CELSR1: variants seen among roughly 807,000 people sequenced by gnomAD.
CELSR1 encodes the protein adhesion G protein-coupled receptor C1.
CELSR1 carries 110 observed loss-of-function variants against 249.1 expected under a neutral mutation model. The observed-to-expected ratio is 0.44, with a 90% CI of 0.38 to 0.52. CELSR1 has a LOEUF of 0.52. CELSR1 is among the 20% of genes least tolerant of loss of function. The pLI is 0.00. For synonymous variants in CELSR1, 2,113 were observed against 1,900.0 expected, an observed-to-expected ratio of 1.11 and a Z score of -2.92; for missense variants, 4,109 against 4,296.4, an observed-to-expected ratio of 0.96 and a Z score of 1.22.
Position 46,536,581 on chromosome 22 carries a change from C to T in CELSR1, c.590G>A (p.Gly197Glu). The T allele has an allele frequency of 8.2e-7, 1 of 1,214,566 alleles. No individual in the cohort carries two copies. The highest frequency in any genetic ancestry group is 1.0e-6 in the Non-Finnish European group (1 of 979,650). The allele number at this position is 1,214,566 out of a possible 1,614,324, so 75.2% of individuals were successfully genotyped here. Residue 197 changes from glycine to glutamate, a missense_variant, in exon 1 of 35, where the codon GGA becomes GAA. Physicochemically the swap from Gly to Glu is moderately conservative, Grantham distance 98. Around this residue, in one of 7 missense-constraint regions of CELSR1, gnomAD observed 673 missense variants for 636.8 expected, o/e 1.06. Transcript: ENST00000674500. ...CGCGGTGGCGGCCTCCAGCGCCAGT[C>T]CCACCCGGACGGCGCCAGCCGCGCG... is the stretch of plus-strand genomic sequence containing the variant. ...LRRAAGAVRVGLALEAATAGT... is the reference protein window; with the variant it reads ...LRRAAGAVRVELALEAATAGT...
At chr22:46,452,495 C>T (rs1032112928) in intron 2 of CELSR1, among the ~76,000 whole-genome samples, 3 of 152,220 alleles carry the variant, frequency 2.0e-5, no homozygotes, top group Admixed American at 2.0e-4. Flanking sequence ...GGGGTACACA[C>T]AGCTGGCACT....
At chr22:46,497,897 T>C (rs1054552218) in intron 1 of CELSR1, among the ~76,000 whole-genome samples, 16 of 152,008 alleles carry the variant, frequency 1.1e-4, no homozygotes, top group Non-Finnish European at 2.4e-4. Context: ...AAAAGAACAA[T>C]GGGAGAAAAT....
chr22:46,503,886 T>C (rs2080489260), intron 1 of CELSR1, among the ~76,000 whole-genome samples: 1 of 151,740 alleles, frequency 6.6e-6, no homozygotes, highest in East Asian at 2.0e-4. Context: ...ATTTTAAAAG[T>C]AGCCAGGTGT....
Position 46,423,789 on chromosome 22 carries a change from T to C in CELSR1, c.4611+9604A>G, listed in dbSNP as rs892610841. 1.3e-5 allele frequency among the ~76,000 whole-genome samples: 2 copies of C among 151,498 alleles called. No homozygotes were observed. The highest frequency in any genetic ancestry group is 2.9e-5 in the Non-Finnish European group (2 of 67,930). ...GAGTTCGAGACCAGCCTGGCCAACATGGTGAAATCCCATCTCTACTAAAAA... is the reference window on the plus strand; with the variant it reads ...GAGTTCGAGACCAGCCTGGCCAACACGGTGAAATCCCATCTCTACTAAAAA... On this transcript the variant is annotated intron_variant, in intron 5 of 34. Transcript: ENST00000674500. This position sits in a 1 kb window ranked among gnomAD's most constrained non-coding sequence, Gnocchi z 5.6.
At chr22:46,519,800 T>G (rs532876674) in intron 1 of CELSR1, among the ~76,000 whole-genome samples, 1 of 151,928 alleles carries the variant, frequency 6.6e-6, no homozygotes, top group African/African-American at 2.4e-5. Context: ...CTGTTGATAA[T>G]GCAGTCAAAT....
rs2079209262 is a variant in CELSR1, at chr22:46,401,381, G to C, written c.5227-1479C>G. Among the ~76,000 whole-genome samples, 1 of 152,210 alleles carries C rather than the reference G, an allele frequency of 6.6e-6. No homozygotes were observed. Among genetic ancestry groups the C allele is most frequent in the Admixed American group, 6.5e-5 (1 of 15,282 alleles). On this transcript the variant is annotated intron_variant, in intron 9 of 34. Transcript: ENST00000674500. This position sits in a 1 kb window ranked among gnomAD's most constrained non-coding sequence, Gnocchi z 4.7. Reference sequence around the variant, plus strand: ...AACATGAGACAAAATATTAAAGAATGTCTGTTTGAAGACACTGAAGTGGCT... The same window carrying C: ...AACATGAGACAAAATATTAAAGAATCTCTGTTTGAAGACACTGAAGTGGCT...
chr22:46,520,166 G>A (rs532714674), intron 1 of CELSR1, among the ~76,000 whole-genome samples: 4 of 151,932 alleles, frequency 2.6e-5, no homozygotes, highest in Admixed American at 6.6e-5. Context: ...GAGCCACTGC[G>A]CCCAGCCCCC....
intron 24 of CELSR1, 66 bp from the exon 25 acceptor site, chr22:46,373,123 TG>T (rs1401926066): frequency 1.4e-6 from 2 of 1,467,524 alleles, no homozygotes; most frequent in Admixed American, 4.5e-5. Context: ...CAGGCATGAG[TG>T]AGGGGTGGGG....
chr22:46,398,754 C>G lies in CELSR1; in HGVS notation c.5413-117G>C, dbSNP rs991771971. Reference sequence around the variant, plus strand: ...AGTCACTTCAACAAACTCCGCAGAGCCTGAGGACATCTGGGCCTCCAAAGA... The same window carrying G: ...AGTCACTTCAACAAACTCCGCAGAGGCTGAGGACATCTGGGCCTCCAAAGA... On this transcript the variant is annotated intron_variant, in intron 10 of 34. Coordinates refer to ENST00000674500, the MANE Select transcript of CELSR1 (RefSeq NM_001378328.1). This position sits in a 1 kb window ranked among gnomAD's most constrained non-coding sequence, Gnocchi z 7.2. 6 of 736,780 alleles carry G rather than the reference C, an allele frequency of 8.1e-6. No individual in the cohort carries two copies. The African/African-American group carries it at 1.1e-4, about 13-fold the overall frequency. The allele number at this position is 736,780 out of a possible 1,614,324, so 45.6% of individuals were successfully genotyped here. A position where few individuals can be genotyped will look rare whatever the true frequency, so the allele number is the denominator to read the frequency against.
chr22:46,380,595 AC>A lies in CELSR1; in HGVS notation c.7256+192del, dbSNP rs2078966987. 6.6e-6 allele frequency among the ~76,000 whole-genome samples: 1 copy of A among 152,106 alleles called. No individual in the cohort carries two copies. The highest frequency in any genetic ancestry group is 1.5e-5 in the Non-Finnish European group (1 of 68,010). ...CAGGTCTGTGTGCATCTGTGTGTGG[AC>A]ATCTAGGGGAGGACTCTGATATTCC... On this transcript the variant is annotated intron_variant, in intron 22 of 34. Transcript: ENST00000674500. This position sits in a 1 kb window ranked among gnomAD's most constrained non-coding sequence, Gnocchi z 5.1.
chr22:46,420,876 G>A (rs1021997872), intron 5 of CELSR1, among the ~76,000 whole-genome samples: 4 of 152,152 alleles, frequency 2.6e-5, no homozygotes, highest in African/African-American at 9.7e-5. Flanking sequence ...GGGCTGAATT[G>A]GGGGACAGAG....
chr22:46,410,641 G>T lies in CELSR1; in HGVS notation c.4770-80C>A. 6.9e-7 allele frequency: 1 copy of T among 1,450,138 alleles called. No homozygotes were observed. The highest frequency in any genetic ancestry group is 9.5e-7 in the Non-Finnish European group (1 of 1,047,958). 89.8% of individuals were successfully genotyped at this position (1,450,138 alleles called of 1,614,324 possible). A position where few individuals can be genotyped will look rare whatever the true frequency, so the allele number is the denominator to read the frequency against. On this transcript the variant is annotated intron_variant, in intron 6 of 34. Coordinates refer to ENST00000674500, the MANE Select transcript of CELSR1 (RefSeq NM_001378328.1). This position sits in a 1 kb window ranked among gnomAD's most constrained non-coding sequence, Gnocchi z 6.8. ...CGGGCTGGGCTCCGCAGTTGCCTCT[G>T]TGTAGCCTCTACCACCATAACTACT...
At chr22:46,514,417 G>T (rs576943364) in intron 1 of CELSR1, among the ~76,000 whole-genome samples, 2 of 152,160 alleles carry the variant, frequency 1.3e-5, no homozygotes, top group Non-Finnish European at 2.9e-5. Context: ...ATCCAGGTGA[G>T]GGCTGGAGTC....
intron 1 of CELSR1, among the ~76,000 whole-genome samples, chr22:46,465,526 T>C (rs1446738257): frequency 6.6e-6 from 1 of 152,086 alleles, no homozygotes; most frequent in African/African-American, 2.4e-5. Context: ...TGGAGGGTGA[T>C]GAGGCCCAGA....
chr22:46,520,000 T>C (rs1366182773), intron 1 of CELSR1, among the ~76,000 whole-genome samples: 4 of 151,732 alleles, frequency 2.6e-5, no homozygotes, highest in East Asian at 1.9e-4. Context: ...CCCACCCGAG[T>C]AGGTGGGATT....
In CELSR1 at chr22:46,363,417, C is replaced by A; in HGVS notation, c.9036-170G>T. ...GTTGGATGAGGCTGCCCTTGGGAGG[C>A]AGGAGAGGGGACCAGGACCAGCCTG... On this transcript the variant is annotated intron_variant, in intron 34 of 34. Transcript: ENST00000674500. The surrounding 1 kb of genome is among the most constrained non-coding windows in gnomAD (Gnocchi z 4.3). 3.4e-6 allele frequency: 2 copies of A among 590,954 alleles called. No homozygotes were observed. The highest frequency in any genetic ancestry group is 6.0e-6 in the Non-Finnish European group (2 of 332,158). The allele number at this position is 590,954 out of a possible 1,614,324, so 36.6% of individuals were successfully genotyped here. A position where few individuals can be genotyped will look rare whatever the true frequency, so the allele number is the denominator to read the frequency against.
At chr22:46,383,131 A>G (rs982419060) in intron 20 of CELSR1, among the ~76,000 whole-genome samples, 2 of 152,146 alleles carry the variant, frequency 1.3e-5, no homozygotes, top group Non-Finnish European at 2.9e-5. Flanking sequence ...TTCTCACTCT[A>G]TTAGTTCCAG....
Position 46,429,151 on chromosome 22 carries a change from C to G in CELSR1, c.4611+4242G>C, listed in dbSNP as rs1039659497. On this transcript the variant is annotated intron_variant, in intron 5 of 34. Transcript: ENST00000674500. The surrounding 1 kb of genome is among the most constrained non-coding windows in gnomAD (Gnocchi z 4.1). Reference sequence around the variant, plus strand: ...CCTTCCAGACGGCCCCTCCCTAGCACTGTCTCCGTGGGGAATAAGCTTCTC... The same window carrying G: ...CCTTCCAGACGGCCCCTCCCTAGCAGTGTCTCCGTGGGGAATAAGCTTCTC... 6.6e-6 allele frequency among the ~76,000 whole-genome samples: 1 copy of G among 152,188 alleles called. No individual in the cohort carries two copies. Among genetic ancestry groups the G allele is most frequent in the Non-Finnish European group, 1.5e-5 (1 of 68,026 alleles).
At position 46,364,256 on chromosome 22, in the gene CELSR1, G is replaced by A. The variant is rs754583778; in HGVS notation, c.8780-5C>T. ...TGACTTTATTTTTCAAGATGCCTGG[G>A]AGGAGGAGACACGGCAAGGTCAAGT... On this transcript the variant is annotated splice_polypyrimidine_tract_variant and splice_region_variant and intron_variant, in intron 33 of 34. Coordinates refer to ENST00000674500, the MANE Select transcript of CELSR1 (RefSeq NM_001378328.1). 3.7e-6 allele frequency: 6 copies of A among 1,606,880 alleles called. No homozygotes were observed. Among genetic ancestry groups the A allele is most frequent in the East Asian group, 4.5e-5 (2 of 44,866 alleles).
Sources: allele counts gnomAD v4.1 joint callset (sites outside exome capture counted in the v4.1 genomes callset), GRCh38; gene constraint gnomAD v4.1.1; regional missense constraint gnomAD v4.1.1; non-coding constraint Gnocchi (gnomAD v3.1); transcripts MANE v1.5; gene names NCBI Gene and HGNC (gene_info 2026-07-23, HGNC 2026-07-21).